Variants in CFAP90 observed in about 807,000 individuals in gnomAD.
The protein encoded by CFAP90 is cilia and flagella associated protein 90, also known as cilia- and flagella-associated protein 90.
the CFAP90 span, chr5:7,850,921 C>T: frequency 1.5e-6 from 2 of 1,360,658 alleles, no homozygotes; most frequent in African/African-American, 1.5e-5. Flanking sequence ...GTCCAGGCGC[C>T]GCGGCGGGAT....
chr5:7,839,120 T>C, the CFAP90 span, among the ~76,000 whole-genome samples: 32 of 152,332 alleles, frequency 2.1e-4, no homozygotes, highest in Middle Eastern at 3.4e-3. Context: ...GAACTCCCCT[T>C]TTTAAAACCA....
the CFAP90 span, among the ~76,000 whole-genome samples, chr5:7,833,311 A>G: frequency 6.6e-6 from 1 of 152,196 alleles, no homozygotes; most frequent in African/African-American, 2.4e-5. Flanking sequence ...ATATGTACAC[A>G]CATGTACATG....
chr5:7,851,109 C>G, the CFAP90 span: 548 of 1,221,134 alleles, frequency 4.5e-4, no homozygotes, highest in Middle Eastern at 9.4e-4. Flanking sequence ...TCAGGTTGCT[C>G]AGCGCCAGCG....
the CFAP90 span, among the ~76,000 whole-genome samples, chr5:7,843,892 T>A: frequency 1.3e-5 from 2 of 152,200 alleles, no homozygotes; most frequent in East Asian, 3.8e-4. Flanking sequence ...TGTGTGAATA[T>A]GTTCTTGTAT....
At chr5:7,845,686 G>A in the CFAP90 span, among the ~76,000 whole-genome samples, 8 of 152,144 alleles carry the variant, frequency 5.3e-5, no homozygotes, top group African/African-American at 1.7e-4. Context: ...GAAGAACACC[G>A]TTGAACGGAA....
the CFAP90 span, among the ~76,000 whole-genome samples, chr5:7,835,080 C>T: frequency 5.9e-5 from 9 of 152,120 alleles, no homozygotes; most frequent in African/African-American, 1.4e-4. Context: ...ATACAAGTTA[C>T]GTTTACACTA....
chr5:7,851,064 C>G, the CFAP90 span: 1 of 1,236,142 alleles, frequency 8.1e-7, no homozygotes, highest in Non-Finnish European at 1.0e-6. Context: ...CGGTCCGTCC[C>G]GCCCGCCCAG....
the CFAP90 span, among the ~76,000 whole-genome samples, chr5:7,834,209 G>A: frequency 6.6e-6 from 1 of 152,106 alleles, no homozygotes; most frequent in Non-Finnish European, 1.5e-5. Flanking sequence ...ACAAGATGTG[G>A]AAGTGGAAGG....
At chr5:7,840,278 CT>C in the CFAP90 span, among the ~76,000 whole-genome samples, 2 of 152,190 alleles carry the variant, frequency 1.3e-5, no homozygotes, top group Non-Finnish European at 2.9e-5. Flanking sequence ...ACCTCCACCC[CT>C]GATCCTGAGA....
chr5:7,848,496 C>T, the CFAP90 span, among the ~76,000 whole-genome samples: 2 of 152,240 alleles, frequency 1.3e-5, no homozygotes. Context: ...AATTCACTGT[C>T]TCACAGTACT....
the CFAP90 span, among the ~76,000 whole-genome samples, chr5:7,840,436 AAG>A: frequency 6.6e-6 from 1 of 152,216 alleles, no homozygotes; most frequent in African/African-American, 2.4e-5. Context: ...CCTACCTTAA[AAG>A]AGACCACAGA....
chr5:7,841,693 G>T, the CFAP90 span, among the ~76,000 whole-genome samples: 3 of 152,142 alleles, frequency 2.0e-5, no homozygotes, highest in African/African-American at 7.2e-5. Context: ...GATGGAGCTG[G>T]AGGCCATTAT....
chr5:7,841,889 A>G, the CFAP90 span, among the ~76,000 whole-genome samples: 2 of 152,150 alleles, frequency 1.3e-5, no homozygotes, highest in Admixed American at 6.5e-5. Flanking sequence ...TGGGCTTACT[A>G]CCTGGGTGAT....
chr5:7,840,894 G>A, the CFAP90 span, among the ~76,000 whole-genome samples: 3,116 of 152,204 alleles, frequency 0.02, 99 homozygotes, highest in African/African-American at 0.07. Context: ...GAAGATGGCC[G>A]TCAACAAGCC....
chr5:7,844,579 G>A, the CFAP90 span, among the ~76,000 whole-genome samples: 3 of 152,176 alleles, frequency 2.0e-5, no homozygotes, highest in Non-Finnish European at 4.4e-5. Flanking sequence ...TACTTAGCAG[G>A]TTAGATACTA....
the CFAP90 span, among the ~76,000 whole-genome samples, chr5:7,849,600 A>T: frequency 6.6e-6 from 1 of 152,172 alleles, no homozygotes; most frequent in African/African-American, 2.4e-5. Context: ...AGAAGAAAGG[A>T]GTAGATGACC....
chr5:7,849,623 T>C, the CFAP90 span, among the ~76,000 whole-genome samples: 1 of 152,130 alleles, frequency 6.6e-6, no homozygotes, highest in Non-Finnish European at 1.5e-5. Flanking sequence ...CAACTGGCTT[T>C]GAATTTACTA....
At chr5:7,832,010 C>G in the CFAP90 span, 1 of 1,611,004 alleles carries the variant, frequency 6.2e-7, no homozygotes, top group South Asian at 1.1e-5. Context: ...CGTCAGCACT[C>G]CAACCGGCCT....
chr5:7,844,045 C>T, the CFAP90 span, among the ~76,000 whole-genome samples: 4 of 152,204 alleles, frequency 2.6e-5, no homozygotes, highest in Non-Finnish European at 5.9e-5. Context: ...TCCACTAGAA[C>T]ATGCCTGCCT....
Sources: gnomAD v4.1 joint callset for allele counts (sites outside exome capture counted in the v4.1 genomes callset) on GRCh38, gnomAD v4.1.1 for gene constraint, MANE v1.5 for transcripts, NCBI Gene and HGNC (gene_info 2026-07-23, HGNC 2026-07-21) for gene names.